The following ASCC3 variants were observed in gnomAD, a reference collection of about 807,000 sequenced individuals.
The protein encoded by ASCC3 is ASC-1 complex subunit P200.
Under a neutral mutation model 256.3 loss-of-function variants are expected in ASCC3, and 158 were observed. The ratio of observed to expected loss-of-function variants is 0.62; its 90% CI spans 0.54 to 0.70. The LOEUF (loss-of-function observed/expected upper bound fraction) is 0.70, where lower values mean the gene tolerates loss of function less well. ASCC3 is among the 30% of genes least tolerant of loss of function. ASCC3 has a pLI of 0.00. For missense variants in ASCC3, 2,259 were observed against 2,626.0 expected (o/e 0.86, Z 3.05); for synonymous variants, 948 against 883.4 (o/e 1.07, Z -1.30).
In ASCC3 at chr6:100,811,426, T is replaced by C. The variant is rs564844704; in HGVS notation, c.802-5546A>G. On this transcript the variant is annotated intron_variant, in intron 4 of 41. Coordinates refer to ENST00000369162, the MANE Select transcript of ASCC3 (RefSeq NM_006828.4). ...CAAGTTCAAAATATTCTGATCAGAA[T>C]TTATTCTTTATTCTAGTTACACTTA... Among the ~76,000 whole-genome samples the C allele has an allele frequency of 2.0e-5, 3 of 152,290 alleles. No individual in the cohort carries two copies. The East Asian group carries it at 5.8e-4, about 29-fold the overall frequency.
chr6:100,513,063 C>T (rs1430353162), intron 39 of ASCC3, 145 bp from the exon 40 acceptor site: 2 of 762,356 alleles, frequency 2.6e-6, no homozygotes, highest in African/African-American at 3.5e-5. Flanking sequence ...GGAAATAATA[C>T]AGAGACATTC....
chr6:100,638,885 A>G lies in ASCC3; in HGVS notation c.3902-64T>C, dbSNP rs1280848806. 34 of 1,257,956 alleles carry G rather than the reference A, an allele frequency of 2.7e-5. No individual in the cohort carries two copies. In the East Asian group the frequency reaches 8.1e-4, roughly 30 times the overall value. The allele number at this position is 1,257,956 out of a possible 1,614,324, so 77.9% of individuals were successfully genotyped here. A position where few individuals can be genotyped will look rare whatever the true frequency, so the allele number is the denominator to read the frequency against. ...AAACACGCATAATACTGAATACTGT[A>G]TTATAAATAATAGATTATAGTAATC... On this transcript the variant is annotated intron_variant, in intron 24 of 41. Coordinates refer to ENST00000369162, the MANE Select transcript of ASCC3 (RefSeq NM_006828.4).
intron 8 of ASCC3, among the ~76,000 whole-genome samples, chr6:100,795,203 A>G (rs1769548065): frequency 1.3e-5 from 2 of 152,026 alleles, no homozygotes; most frequent in Admixed American, 1.3e-4. Flanking sequence ...TTGGAAAAAA[A>G]AAACCCATTG....
At chr6:100,814,645 C>CA (rs1321134617) in intron 4 of ASCC3, among the ~76,000 whole-genome samples, 1 of 152,132 alleles carries the variant, frequency 6.6e-6, no homozygotes, top group Non-Finnish European at 1.5e-5. Context: ...TCTAGGGAAT[C>CA]AATGTCTTCC....
intron 13 of ASCC3, among the ~76,000 whole-genome samples, chr6:100,702,298 G>C (rs1385654793): frequency 6.6e-6 from 1 of 152,166 alleles, no homozygotes; most frequent in East Asian, 1.9e-4. Flanking sequence ...AAATGAGACT[G>C]AGGGAGAGAG....
intron 4 of ASCC3, among the ~76,000 whole-genome samples, chr6:100,807,714 CGTAA>C (rs982623221): frequency 6.6e-6 from 1 of 151,596 alleles, no homozygotes; most frequent in Non-Finnish European, 1.5e-5. Flanking sequence ...TAAGAATGTC[CGTAA>C]GTAATGCAAT....
chr6:100,818,241 G>T (rs999626450), intron 4 of ASCC3, among the ~76,000 whole-genome samples: 1 of 152,078 alleles, frequency 6.6e-6, no homozygotes, highest in Non-Finnish European at 1.5e-5. Context: ...CTCTTGAAGG[G>T]ATCTTCCACA....
intron 37 of ASCC3, chr6:100,531,070 A>G: frequency 7.2e-7 from 1 of 1,389,768 alleles, no homozygotes; most frequent in Non-Finnish European, 1.0e-6. Flanking sequence ...GGAATCTTCT[A>G]GAACGTACAT....
intron 8 of ASCC3, among the ~76,000 whole-genome samples, chr6:100,791,923 T>G (rs1196800514): frequency 1.3e-5 from 2 of 151,862 alleles, no homozygotes; most frequent in East Asian, 1.9e-4. Flanking sequence ...GAGAGTTAAT[T>G]TGAGGAAAAG....
At chr6:100,708,918 G>A (rs1039010975) in intron 13 of ASCC3, among the ~76,000 whole-genome samples, 5 of 151,230 alleles carry the variant, frequency 3.3e-5, no homozygotes, top group African/African-American at 1.2e-4. Context: ...CAATACATGT[G>A]TTATTGCAAT....
chr6:100,828,550 T>C (rs1428953199), intron 4 of ASCC3, among the ~76,000 whole-genome samples: 2 of 145,196 alleles, frequency 1.4e-5, no homozygotes, highest in African/African-American at 2.9e-5. Context: ...AGTTTGCTCC[T>C]TCTGATGTTC....
intron 3 of ASCC3, chr6:100,856,969 T>C (rs1031183895): frequency 1.3e-5 from 2 of 152,146 alleles, no homozygotes; most frequent in Non-Finnish European, 2.9e-5. Flanking sequence ...ATTTAAAATT[T>C]CACTTGTCCA....
chr6:100,627,652 T>C lies in ASCC3; in HGVS notation c.4580A>G (p.Gln1527Arg). Residue 1527 changes from glutamine (Q) to arginine (R), a missense_variant, in exon 29 of 42, where the codon CAA becomes CGA. Coordinates refer to ENST00000369162, the MANE Select transcript of ASCC3 (RefSeq NM_006828.4). The stretch of plus-strand genomic sequence containing the variant: ...ACAGTAATGTTGACCTGGAAAGCCT[T>C]GAATGTGAACTTCCAGTGGAACTGG... ...VRPVPLEVHI[Q>R]GFPGQHYCPR... is the part of the protein sequence containing the mutation. 6.2e-7 allele frequency: 1 copy of C among 1,613,574 alleles called. No individual in the cohort carries two copies. Among genetic ancestry groups the C allele is most frequent in the Non-Finnish European group, 8.5e-7 (1 of 1,179,746 alleles).
chr6:100,769,253 C>G (rs1163061991), intron 8 of ASCC3, among the ~76,000 whole-genome samples: 1 of 151,844 alleles, frequency 6.6e-6, no homozygotes, highest in African/African-American at 2.4e-5. Context: ...AAAGGTTGGT[C>G]AATGAGTTCA....
intron 24 of ASCC3, among the ~76,000 whole-genome samples, chr6:100,640,415 G>A (rs2114887897): frequency 6.6e-6 from 1 of 152,172 alleles, no homozygotes; most frequent in African/African-American, 2.4e-5. Context: ...AGATGTTATG[G>A]TGGTACATTT....
At chr6:100,655,631 C>T in intron 17 of ASCC3, 68 bp downstream of exon 17, 5 of 1,538,518 alleles carry the variant, frequency 3.2e-6, no homozygotes, top group South Asian at 2.2e-5. Flanking sequence ...AAACAAATAT[C>T]TATCCTCATA....
chr6:100,509,190 A>C lies in ASCC3; in HGVS notation c.*196T>G. The stretch of plus-strand genomic sequence containing the variant: ...AAACTCATAAAGATAACATTATAAA[A>C]GGCAACATTTGTTAAAAGGCCACTG... On this transcript the variant is annotated 3_prime_UTR_variant, in exon 42 of 42. Transcript: ENST00000369162. 1.5e-6 allele frequency: 1 copy of C among 653,740 alleles called. No individual in the cohort carries two copies. The highest frequency in any genetic ancestry group is 2.6e-5 in the East Asian group (1 of 38,030). 40.5% of individuals were successfully genotyped at this position (653,740 alleles called of 1,614,324 possible).
intron 30 of ASCC3, among the ~76,000 whole-genome samples, chr6:100,616,551 A>T (rs909913359): frequency 5.3e-5 from 8 of 152,152 alleles, no homozygotes; most frequent in African/African-American, 1.9e-4. Flanking sequence ...GGGAACTCTT[A>T]TCTCCCATAC....
Position 100,800,729 on chromosome 6 carries a change from C to T in ASCC3, c.923-225G>A, listed in dbSNP as rs147745852. ...AAAAGTCAGCAGTATTTTCTTCCTA[C>T]AGACTAAACAGTTCAATGTCACTGA... On this transcript the variant is annotated intron_variant, in intron 5 of 41. Coordinates refer to ENST00000369162, the MANE Select transcript of ASCC3 (RefSeq NM_006828.4). 3.9e-4 allele frequency among the ~76,000 whole-genome samples: 60 copies of T among 152,006 alleles called. 1 individual carries two copies. The highest frequency in any genetic ancestry group is 1.4e-3 in the African/African-American group (59 of 41,540).
Sources: gnomAD v4.1 joint callset for allele counts (sites outside exome capture counted in the v4.1 genomes callset) on GRCh38, gnomAD v4.1.1 for gene constraint, MANE v1.5 for transcripts, NCBI Gene and HGNC (gene_info 2026-07-23, HGNC 2026-07-21) for gene names.